EPG5: variants seen among roughly 807,000 people sequenced by gnomAD.
EPG5 encodes the protein ectopic P-granules 5 autophagy tethering factor, also known as ectopic P granules protein 5 homolog.
In EPG5, 159 loss-of-function variants were observed where a neutral mutation model predicts 302.7. The observed-to-expected ratio is 0.53, with a 90% CI of 0.46 to 0.60. The LOEUF (loss-of-function observed/expected upper bound fraction) is 0.60, where lower values mean the gene tolerates loss of function less well. EPG5 is among the 20% of genes least tolerant of loss of function. The pLI, the probability that EPG5 is intolerant of heterozygous loss-of-function variation, is 0.00. For missense variants in EPG5, 2,896 were observed against 3,092.4 expected, an observed-to-expected ratio of 0.94 and a Z score of 1.51; for synonymous variants, 1,158 against 1,136.8, an observed-to-expected ratio of 1.02 and a Z score of -0.37.
chr18:45,886,957 C>T (rs1443699665), intron 29 of EPG5, among the ~76,000 whole-genome samples: 1 of 152,068 alleles, frequency 6.6e-6, no homozygotes, highest in Admixed American at 6.6e-5. Context: ...CCCACCGGAC[C>T]AGCACACATT....
At chr18:45,801,951 G>T in the EPG5 span, among the ~76,000 whole-genome samples, 1 of 152,118 alleles carries the variant, frequency 6.6e-6, no homozygotes, top group Non-Finnish European at 1.5e-5. Flanking sequence ...CTCTCTGAGG[G>T]CTCTCTGGGT....
At chr18:45,889,463 T>C (rs994195969) in intron 28 of EPG5, among the ~76,000 whole-genome samples, 3 of 152,210 alleles carry the variant, frequency 2.0e-5, no homozygotes, top group Non-Finnish European at 2.9e-5. Flanking sequence ...CAATGCACTA[T>C]ATCATCTCAC....
intron 6 of EPG5, among the ~76,000 whole-genome samples, chr18:45,947,487 G>T (rs956039687): frequency 5.3e-5 from 8 of 152,168 alleles, no homozygotes; most frequent in African/African-American, 1.9e-4. Context: ...ACACTTGTGA[G>T]TCAAATCATT....
intron 41 of EPG5, 72 bp downstream of exon 41, chr18:45,858,493 CT>C: frequency 8.5e-7 from 1 of 1,173,792 alleles, no homozygotes; most frequent in Non-Finnish European, 1.3e-6. Context: ...GTACTTAAAG[CT>C]AGACTTAAGC....
chr18:45,810,252 C>T, the EPG5 span, among the ~76,000 whole-genome samples: 1 of 152,076 alleles, frequency 6.6e-6, no homozygotes, highest in Non-Finnish European at 1.5e-5. Flanking sequence ...AGGCCAGGAC[C>T]AGACGGATTC....
the EPG5 span, chr18:45,838,002 A>T: frequency 7.5e-7 from 1 of 1,331,642 alleles, no homozygotes; most frequent in South Asian, 1.7e-5. Flanking sequence ...CAGGAAGGGC[A>T]ACGAGACCCA....
At position 45,959,060 on chromosome 18, in the gene EPG5, A is replaced by C. The variant is rs529362889; in HGVS notation, c.64-3722T>G. ...GAATGCTGGGGAGACTGATTTGAGTAATAATAAAATTCCAGTCTCTCACAC... is the reference window on the plus strand; with the variant it reads ...GAATGCTGGGGAGACTGATTTGAGTCATAATAAAATTCCAGTCTCTCACAC... On this transcript the variant is annotated intron_variant, in intron 1 of 43. Coordinates refer to ENST00000282041, the MANE Select transcript of EPG5 (RefSeq NM_020964.3). 2.2e-4 allele frequency among the ~76,000 whole-genome samples: 33 copies of C among 152,324 alleles called. No individual in the cohort carries two copies. The East Asian group carries it at 5.6e-3, about 26-fold the overall frequency.
At chr18:45,908,285 G>A (rs2049809338) in intron 23 of EPG5, among the ~76,000 whole-genome samples, 2 of 152,016 alleles carry the variant, frequency 1.3e-5, no homozygotes, top group South Asian at 2.1e-4. Context: ...AATATGATGC[G>A]ATAATTGCTA....
chr18:45,813,049 C>T, the EPG5 span, among the ~76,000 whole-genome samples: 5 of 152,112 alleles, frequency 3.3e-5, no homozygotes, highest in Non-Finnish European at 7.4e-5. Context: ...ACAGAATCTA[C>T]AATGAACTCA....
chr18:45,872,687 G>C (rs773331640), intron 35 of EPG5, among the ~76,000 whole-genome samples: 17 of 152,064 alleles, frequency 1.1e-4, no homozygotes, highest in Non-Finnish European at 1.9e-4. Flanking sequence ...CTGGGCAACA[G>C]AGTGAGACTC....
Position 45,912,277 on chromosome 18 carries a change from C to T in EPG5, c.3983+13G>A. The T allele has an allele frequency of 6.4e-7, 1 of 1,564,604 alleles. No individual in the cohort carries two copies. Among genetic ancestry groups the T allele is most frequent in the Non-Finnish European group, 8.6e-7 (1 of 1,158,622 alleles). On this transcript the variant is annotated intron_variant, in intron 22 of 43. Transcript: ENST00000282041. ...AATGGACTCACAGAAACCTACAATA[C>T]TGGGCAGCATACCCATACTGTGGTC...
chr18:45,886,638 T>C (rs1402769026), intron 29 of EPG5, among the ~76,000 whole-genome samples: 2 of 152,238 alleles, frequency 1.3e-5, no homozygotes, highest in African/African-American at 4.8e-5. Context: ...CTATGCTGTC[T>C]GCATTGCTTA....
At chr18:45,874,985 A>T (rs1336685753) in intron 35 of EPG5, among the ~76,000 whole-genome samples, 1 of 152,228 alleles carries the variant, frequency 6.6e-6, no homozygotes, top group Non-Finnish European at 1.5e-5. Context: ...AAAGGGTAGA[A>T]TGGGGCAAAA....
rs1447381142 is a variant in EPG5 at position 45,939,719 on chromosome 18, C to T, written c.1980G>A (p.Gln660=). The T allele has an allele frequency of 1.2e-6, 2 of 1,613,892 alleles. No homozygotes were observed. The change falls in exon 10 of 44, where the codon CAG becomes CAA. Residue 660 remains glutamine (Q), a synonymous_variant. Coordinates refer to ENST00000282041, the MANE Select transcript of EPG5 (RefSeq NM_020964.3). ...TLGYVSDHWA[Q]YVSHNQGSGL... ...CTGAGCCTTGGTTATGGCTCACATA[C>T]TGTGCCCAATGGTCACTTACATAAC...
the EPG5 span, among the ~76,000 whole-genome samples, chr18:45,835,016 C>A: frequency 6.6e-6 from 1 of 151,820 alleles, no homozygotes; most frequent in Non-Finnish European, 1.5e-5. Context: ...CAAACAAGCT[C>A]TTTCTAGAGA....
the EPG5 span, chr18:45,836,970 A>G: frequency 4.3e-6 from 4 of 921,790 alleles, no homozygotes; most frequent in African/African-American, 6.5e-5. Context: ...CAGTTACTCA[A>G]CTTCTCTGAG....
chr18:45,933,866 G>GT (rs200791827), intron 11 of EPG5, among the ~76,000 whole-genome samples: 11 of 150,390 alleles, frequency 7.3e-5, no homozygotes, highest in Non-Finnish European at 1.0e-4. Context: ...TATCTTTGGT[G>GT]TTTTTTTTTA....
chr18:45,842,131 G>A, the EPG5 span: 1 of 1,614,186 alleles, frequency 6.2e-7, no homozygotes, highest in Non-Finnish European at 8.5e-7. Flanking sequence ...GTCCAATTAT[G>A]AAAATTTGAG....
chr18:45,912,230 AT>A, intron 22 of EPG5, 59 bp downstream of exon 22: 1 of 1,415,478 alleles, frequency 7.1e-7, no homozygotes. Flanking sequence ...AACACATAGA[AT>A]GAGAGCAGTG....
Sources: gnomAD v4.1 joint callset for allele counts (sites outside exome capture counted in the v4.1 genomes callset) on GRCh38, gnomAD v4.1.1 for gene constraint, MANE v1.5 for transcripts, NCBI Gene and HGNC (gene_info 2026-07-23, HGNC 2026-07-21) for gene names.